Variants in TRIM33 observed in about 807,000 individuals in gnomAD.
TRIM33 encodes the protein tripartite motif containing 33.
TRIM33 carries 20 observed loss-of-function variants against 125.4 expected under a neutral mutation model. The ratio of observed to expected loss-of-function variants is 0.16; its 90% CI spans 0.11 to 0.23. The LOEUF is 0.23. Among genes scored for constraint, TRIM33 ranks in the 10% least tolerant of loss-of-function variants. The pLI, the probability that TRIM33 is intolerant of heterozygous loss-of-function variation, is 1.00. For missense variants in TRIM33, 920 were observed against 1,411.4 expected (o/e 0.65, Z 5.58); for synonymous variants, 564 against 513.9 (o/e 1.10, Z -1.32).
At chr1:114,432,558 A>G (rs1572048345) in intron 5 of TRIM33, among the ~76,000 whole-genome samples, 1 of 152,294 alleles carries the variant, frequency 6.6e-6, no homozygotes, top group African/African-American at 2.4e-5. Context: ...AGGCTGAGGC[A>G]GGCGGATCAC....
intron 4 of TRIM33, among the ~76,000 whole-genome samples, chr1:114,439,544 AAAAC>A (rs1292274889): frequency 6.6e-6 from 1 of 151,854 alleles, no homozygotes; most frequent in Non-Finnish European, 1.5e-5. Context: ...CATCAAAAAA[AAAAC>A]AGTGAGCAGT....
At chr1:114,413,904 G>A (rs1374945440) in intron 11 of TRIM33, among the ~76,000 whole-genome samples, 2 of 151,940 alleles carry the variant, frequency 1.3e-5, no homozygotes, top group African/African-American at 4.8e-5. Flanking sequence ...GCATGTGCCC[G>A]TAGTCCCAGT....
At chr1:114,475,968 C>G (rs1171244607) in intron 1 of TRIM33, among the ~76,000 whole-genome samples, 1 of 151,854 alleles carries the variant, frequency 6.6e-6, no homozygotes, top group Non-Finnish European at 1.5e-5. Context: ...CCACTGCACT[C>G]CAGCCAGGGT....
intron 1 of TRIM33, among the ~76,000 whole-genome samples, chr1:114,473,579 G>T (rs1288754623): frequency 6.6e-6 from 1 of 152,104 alleles, no homozygotes; most frequent in African/African-American, 2.4e-5. Context: ...CAGGTAATCG[G>T]AATGAGTCAG....
chr1:114,505,895 G>C (rs1234549923), intron 1 of TRIM33, among the ~76,000 whole-genome samples: 2 of 152,100 alleles, frequency 1.3e-5, no homozygotes, highest in Non-Finnish European at 2.9e-5. Flanking sequence ...TTCAGTAACA[G>C]AATGATTTTT....
intron 2 of TRIM33, among the ~76,000 whole-genome samples, chr1:114,463,914 G>A (rs755999816): frequency 4.6e-5 from 7 of 151,792 alleles, no homozygotes; most frequent in African/African-American, 1.7e-4. Flanking sequence ...GACTAAAGGC[G>A]CATGCCACCA....
At chr1:114,440,236 G>T (rs1648569266) in intron 4 of TRIM33, among the ~76,000 whole-genome samples, 1 of 152,004 alleles carries the variant, frequency 6.6e-6, no homozygotes, top group African/African-American at 2.4e-5. Flanking sequence ...TCATCTTGGT[G>T]GTTCAAAACT....
intron 4 of TRIM33, among the ~76,000 whole-genome samples, chr1:114,450,670 G>A (rs1469323496): frequency 2.0e-5 from 3 of 151,954 alleles, no homozygotes; most frequent in South Asian, 2.1e-4. Context: ...TAGGACTACA[G>A]GTATGAGCCA....
chr1:114,424,156 AT>A (rs1343489447), intron 10 of TRIM33, among the ~76,000 whole-genome samples: 7 of 150,496 alleles, frequency 4.7e-5, no homozygotes, highest in African/African-American at 9.8e-5. Flanking sequence ...GTAAAAAAAA[AT>A]AATAATAATA....
chr1:114,484,649 G>C (rs7550104), intron 1 of TRIM33, among the ~76,000 whole-genome samples: 7 of 152,126 alleles, frequency 4.6e-5, no homozygotes, highest in African/African-American at 1.2e-4. Context: ...GATTGCCTGA[G>C]CTCAGGAGTT....
chr1:114,418,952 G>A (rs1231970064), intron 11 of TRIM33, among the ~76,000 whole-genome samples: 2 of 152,002 alleles, frequency 1.3e-5, no homozygotes, highest in Non-Finnish European at 2.9e-5. Flanking sequence ...AGGCGCAGTG[G>A]CTCACACCTG....
intron 3 of TRIM33, 43 bp from the exon 4 acceptor site, chr1:114,463,279 T>G (rs1203199792): frequency 1.9e-6 from 3 of 1,566,846 alleles, no homozygotes; most frequent in African/African-American, 1.4e-5. Flanking sequence ...AAACATAAAA[T>G]TTTTGTCTAG....
intron 1 of TRIM33, among the ~76,000 whole-genome samples, chr1:114,501,885 T>C (rs1652743160): frequency 1.3e-5 from 2 of 152,232 alleles, no homozygotes; most frequent in Admixed American, 6.5e-5. Flanking sequence ...CACTGGGGCA[T>C]AGGCTTTAAA....
intron 5 of TRIM33, among the ~76,000 whole-genome samples, chr1:114,431,984 T>A (rs1424353811): frequency 1.3e-5 from 2 of 152,200 alleles, no homozygotes; most frequent in African/African-American, 4.8e-5. Context: ...CAGACTCCTA[T>A]TGGATTTAAT....
At chr1:114,431,025 C>CT in intron 5 of TRIM33, 113 bp from the exon 6 acceptor site, 1 of 689,596 alleles carries the variant, frequency 1.5e-6, no homozygotes, top group Non-Finnish European at 2.5e-6. Flanking sequence ...AAAATGAAAA[C>CT]TTTGTCAAAA....
intron 13 of TRIM33, 70 bp downstream of exon 13, chr1:114,408,607 T>C: frequency 3.0e-6 from 3 of 1,005,596 alleles, no homozygotes; most frequent in Non-Finnish European, 4.5e-6. Flanking sequence ...ACTGTAATAT[T>C]CTACTTTTAT....
intron 4 of TRIM33, among the ~76,000 whole-genome samples, chr1:114,440,285 T>C (rs1287828883): frequency 6.6e-6 from 1 of 151,892 alleles, no homozygotes; most frequent in Non-Finnish European, 1.5e-5. Context: ...TGGTAGTGCT[T>C]CTAGGCAATA....
chr1:114,423,678 G>A (rs908094086), intron 10 of TRIM33, among the ~76,000 whole-genome samples: 9 of 151,930 alleles, frequency 5.9e-5, no homozygotes, highest in Middle Eastern at 3.2e-3. Flanking sequence ...GGGATTACAG[G>A]CGTGAGCCAC....
intron 6 of TRIM33, among the ~76,000 whole-genome samples, chr1:114,430,295 G>C (rs1373238037): frequency 6.6e-6 from 1 of 151,878 alleles, no homozygotes; most frequent in Non-Finnish European, 1.5e-5. Flanking sequence ...GCCCAGGCTG[G>C]AGTGCAGGAC....
Sources: allele counts gnomAD v4.1 joint callset (sites outside exome capture counted in the v4.1 genomes callset), GRCh38; gene constraint gnomAD v4.1.1; transcripts MANE v1.5; gene names NCBI Gene and HGNC (gene_info 2026-07-23, HGNC 2026-07-21).